HNRNPA3: variants seen among roughly 807,000 people sequenced by gnomAD.
The protein encoded by HNRNPA3 is heterogeneous nuclear ribonucleoprotein A3.
In HNRNPA3, 3 loss-of-function variants were observed where a neutral mutation model predicts 45.8. The observed-to-expected ratio is 0.07, with a 90% CI of 0.03 to 0.17. The LOEUF is 0.17. Ranked by LOEUF, HNRNPA3 falls within the 10% of genes least tolerant of loss-of-function variation. The probability of loss-of-function intolerance (pLI) is 1.00; values close to 1 mark genes in which losing one functional copy is unlikely to be tolerated. For synonymous variants in HNRNPA3, 170 were observed against 155.6 expected (o/e 1.09, Z -0.69); for missense variants, 183 against 480.3 (o/e 0.38, Z 5.79).
intron 7 of HNRNPA3, 45 bp from the exon 8 acceptor site, chr2:177,217,660 T>A: frequency 6.2e-7 from 1 of 1,609,904 alleles, no homozygotes; most frequent in Non-Finnish European, 8.5e-7. Context: ...AACGTGACTA[T>A]ACACTTAAGT....
At chr2:177,216,333 C>T (rs1161183192) in intron 4 of HNRNPA3, 145 bp downstream of exon 4, 3 of 721,278 alleles carry the variant, frequency 4.2e-6, no homozygotes, top group African/African-American at 3.6e-5. Flanking sequence ...CCTGTGTAAT[C>T]AGTATCCAGA....
intron 1 of HNRNPA3, 22 bp downstream of exon 1, chr2:177,212,893 G>C (rs768893249): frequency 1.4e-6 from 2 of 1,423,150 alleles, no homozygotes; most frequent in African/African-American, 1.5e-5. Context: ...AGAGCGGGGG[G>C]TTGGTGGGGA....
chr2:177,218,122 C>T (rs1240959689), intron 8 of HNRNPA3, among the ~76,000 whole-genome samples: 4 of 138,396 alleles, frequency 2.9e-5, no homozygotes, highest in Non-Finnish European at 1.5e-5. Context: ...AGTGCAGTGG[C>T]GTGATCTCAG....
intron 1 of HNRNPA3, among the ~76,000 whole-genome samples, chr2:177,214,502 T>C (rs1463730634): frequency 3.9e-5 from 6 of 152,142 alleles, no homozygotes; most frequent in African/African-American, 1.4e-4. Flanking sequence ...CAGTTTTGAG[T>C]TTAAATGTAT....
intron 7 of HNRNPA3, 37 bp downstream of exon 7, chr2:177,216,977 ACTTT>A (rs765844523): frequency 4.1e-5 from 58 of 1,428,936 alleles, no homozygotes; most frequent in South Asian, 1.2e-4. Context: ...TGATATTTTA[ACTTT>A]CTTTACTTAT....
chr2:177,220,789 C>A (rs1348973071), downstream of HNRNPA3: 1 of 152,486 alleles, frequency 6.6e-6, no homozygotes, highest in Non-Finnish European at 1.5e-5. Context: ...TTGGAAGGCC[C>A]TGGTTGAGAA....
chr2:177,217,958 G>A, intron 8 of HNRNPA3, 113 bp downstream of exon 8: 4 of 1,069,530 alleles, frequency 3.7e-6, no homozygotes, highest in Non-Finnish European at 3.8e-6. Context: ...TGTTCTATAA[G>A]AAAAATACTA....
At chr2:177,213,121 C>T (rs1688754175) in intron 1 of HNRNPA3, among the ~76,000 whole-genome samples, 1 of 151,012 alleles carries the variant, frequency 6.6e-6, no homozygotes, top group African/African-American at 2.4e-5. Context: ...GGAGGGAAGC[C>T]GGCCTGCCGG....
In HNRNPA3 at chr2:177,219,033, T is replaced by G. The variant is rs758881858; in HGVS notation, c.962-4T>G. 14 of 1,612,992 alleles carry G rather than the reference T, an allele frequency of 8.7e-6. No individual in the cohort carries two copies. The East Asian group carries it at 3.1e-4, about 36-fold the overall frequency. ...AACCACACATAAAACCTTTCTGATT[T>G]CAGGTAACTATGGTGGTGGTGGGAA... On this transcript the variant is annotated splice_region_variant and splice_polypyrimidine_tract_variant and intron_variant, in intron 8 of 10. Coordinates refer to ENST00000392524, the Ensembl canonical transcript of HNRNPA3.
intron 1 of HNRNPA3, among the ~76,000 whole-genome samples, chr2:177,213,765 C>T (rs755254076): frequency 2.0e-5 from 3 of 152,204 alleles, no homozygotes; most frequent in Admixed American, 1.3e-4. Context: ...TGTTTTTTAT[C>T]TTCATGTTTT....
At position 177,215,427 on chromosome 2, in the gene HNRNPA3, CTG is replaced by C. The variant is rs1408111561; in HGVS notation, c.73-110_73-109del. The C allele has an allele frequency of 2.8e-5, 31 of 1,109,656 alleles. No homozygotes were observed. The East Asian group carries it at 6.9e-4, about 25-fold the overall frequency. 68.7% of individuals were successfully genotyped at this position (1,109,656 alleles called of 1,614,324 possible). A position where few individuals can be genotyped will look rare whatever the true frequency, so the allele number is the denominator to read the frequency against. On this transcript the variant is annotated intron_variant, in intron 1 of 10. Coordinates refer to ENST00000392524, the Ensembl canonical transcript of HNRNPA3. Reference sequence around the variant, plus strand: ...AAGTTTTAACTGGACAAAGTGTTAACTGTCACAGGAATTTGATGTTGATTTTA... The same window carrying C: ...AAGTTTTAACTGGACAAAGTGTTAACTCACAGGAATTTGATGTTGATTTTA...
downstream of HNRNPA3, chr2:177,223,761 C>T (rs1351144479): frequency 6.6e-6 from 1 of 152,100 alleles, no homozygotes; most frequent in African/African-American, 2.4e-5. Flanking sequence ...TTTAAGAATT[C>T]AGAAGTGTTC....
rs374162525 is a variant in HNRNPA3 at position 177,215,711 on chromosome 2, G to A, written c.196-39G>A. ...GTTCTAAGGGGTGTAGAGAACCGGT[G>A]GAGGTGTTTTCAACGTTATAAAACT... On this transcript the variant is annotated intron_variant, in intron 2 of 10. Coordinates refer to ENST00000392524, the Ensembl canonical transcript of HNRNPA3. 51 of 1,611,880 alleles carry A rather than the reference G, an allele frequency of 3.2e-5. 1 individual carries two copies. The African/African-American group carries it at 4.3e-4, about 14-fold the overall frequency.
At chr2:177,219,159 G>T (rs1689083895) in exon 9 of HNRNPA3, 2 of 1,612,886 alleles carry the variant, frequency 1.2e-6, no homozygotes, top group Non-Finnish European at 1.7e-6. Flanking sequence ...TCCCTATGGT[G>T]GTAAGTACTT....
chr2:177,222,503 A>G (rs1044040538), downstream of HNRNPA3: 7 of 152,260 alleles, frequency 4.6e-5, no homozygotes, highest in African/African-American at 1.7e-4. Flanking sequence ...AAACACCTTC[A>G]AAGGAACATT....
chr2:177,215,720 T>G (rs1406247895), intron 2 of HNRNPA3, 30 bp from the exon 3 acceptor site: 1 of 1,608,506 alleles, frequency 6.2e-7, no homozygotes, highest in Non-Finnish European at 8.5e-7. Context: ...TGGAGGTGTT[T>G]TCAACGTTAT....
chr2:177,218,040 GCTCT>G (rs1167991013), intron 8 of HNRNPA3, among the ~76,000 whole-genome samples, 195 bp downstream of exon 8: 2 of 141,956 alleles, frequency 1.4e-5, no homozygotes, highest in East Asian at 2.0e-4. Context: ...AATGTACTCA[GCTCT>G]CTTTTTTCTT....
At chr2:177,223,817 C>T (rs1689293001), downstream of HNRNPA3, 1 of 152,150 alleles carries the variant, frequency 6.6e-6, no homozygotes, top group African/African-American at 2.4e-5. Context: ...GAAATGTTTA[C>T]AGAAAGATAA....
intron 1 of HNRNPA3, among the ~76,000 whole-genome samples, chr2:177,213,272 G>C (rs1457862695): frequency 6.6e-6 from 1 of 152,210 alleles, no homozygotes; most frequent in East Asian, 1.9e-4. Context: ...CATTGACATT[G>C]ATCCGCCGCC....
Sources: allele counts gnomAD v4.1 joint callset (sites outside exome capture counted in the v4.1 genomes callset), GRCh38; gene constraint gnomAD v4.1.1; transcripts MANE v1.5; gene names NCBI Gene and HGNC (gene_info 2026-07-23, HGNC 2026-07-21).